NEB: variants seen among roughly 807,000 people sequenced by gnomAD.
The protein encoded by NEB is nemaline myopathy type 2.
In NEB, 512 loss-of-function variants were observed where a neutral mutation model predicts 952.2. The ratio of observed to expected loss-of-function variants is 0.54; its 90% confidence interval spans 0.50 to 0.58. The LOEUF (loss-of-function observed/expected upper bound fraction) is 0.58. Among genes scored for constraint, NEB ranks in the 20% least tolerant of loss-of-function variants. The pLI, the probability that NEB is intolerant of heterozygous loss-of-function variation, is 0.00. For synonymous variants in NEB, 2,900 were observed against 3,149.8 expected, an observed-to-expected ratio of 0.92 and a Z score of 2.66; for missense variants, 8,428 against 9,231.1, an observed-to-expected ratio of 0.91 and a Z score of 3.56.
chr2:151,554,108 A>C, intron 125 of NEB, 83 bp from the exon 126 acceptor site: 1 of 1,295,334 alleles, frequency 7.7e-7, no homozygotes, highest in East Asian at 2.3e-5. Flanking sequence ...AGGCTAACCA[A>C]CTCACAGCGA....
At chr2:151,640,202 T>C in intron 61 of NEB, 142 bp from the exon 62 acceptor site, 2 of 1,463,558 alleles carry the variant, frequency 1.4e-6, no homozygotes, top group South Asian at 1.3e-5. Context: ...CTCTTTGGTC[T>C]GAAGGGTTAA....
rs560191386 is a variant in NEB, at chr2:151,673,568, C to T, written c.3988-888G>A. Reference sequence around the variant, plus strand: ...GAGGAAGATGTTTTCAGTATCATTCCTACAAGGAAAGTAGCAGAGTTTTTA... The same window carrying T: ...GAGGAAGATGTTTTCAGTATCATTCTTACAAGGAAAGTAGCAGAGTTTTTA... On this transcript the variant is annotated intron_variant, in intron 36 of 181. Coordinates refer to ENST00000397345, the MANE Select transcript of NEB (RefSeq NM_001164508.2). 3.9e-5 allele frequency among the ~76,000 whole-genome samples: 6 copies of T among 152,092 alleles called. No homozygotes were observed. The South Asian group carries it at 6.2e-4, about 16-fold the overall frequency.
In NEB at chr2:151,490,006, C is replaced by A; in HGVS notation, c.25369G>T (p.Val8457Leu). Residue 8457 changes from valine to leucine, a missense_variant, in exon 181 of 182, where the codon GTA becomes TTA. Physicochemically the swap from Val to Leu is conservative, Grantham distance 32. Transcript: ENST00000397345. ...GATGGATGAGATGGGATGGAAGATA[C>A]CGTTGTCTGTTGGGTAGCAACTGAA... is the stretch of plus-strand genomic sequence containing the variant. ...SSSVATQQTT[V>L]SSIPSHPSTA... is the part of the protein sequence containing the mutation. 6.2e-7 allele frequency: 1 copy of A among 1,612,378 alleles called. No individual in the cohort carries two copies. The highest frequency in any genetic ancestry group is 8.5e-7 in the Non-Finnish European group (1 of 1,178,546).
chr2:151,570,700 C>T, intron 107 of NEB, 99 bp from the exon 108 acceptor site: 2 of 1,071,570 alleles, frequency 1.9e-6, no homozygotes, highest in Middle Eastern at 4.0e-4. Flanking sequence ...AGTTTTGAAG[C>T]CCAAGGACTT....
intron 2 of NEB, 53 bp from the exon 3 acceptor site, chr2:151,733,238 A>G: frequency 1.7e-6 from 2 of 1,202,522 alleles, no homozygotes; most frequent in East Asian, 2.5e-5. Flanking sequence ...CCCAGCACAG[A>G]AATTATCTTA....
rs539508810 is a variant in NEB at position 151,605,809 on chromosome 2, T to C, written c.12747+797A>G. ...AGCATAATTATTCTATTTTTATTTT[T>C]ATTTTTTTTGAAACGCAGTTTCAGT... is the stretch of plus-strand genomic sequence containing the variant. On this transcript the variant is annotated intron_variant, in intron 84 of 181. Coordinates refer to ENST00000397345, the MANE Select transcript of NEB (RefSeq NM_001164508.2). 3.1e-5 allele frequency among the ~76,000 whole-genome samples: 3 copies of C among 96,044 alleles called. 1 individual carries two copies. In the East Asian group the frequency reaches 1.0e-3, roughly 33 times the overall value. 63.0% of individuals were successfully genotyped at this position (96,044 alleles called of 152,430 possible). A position where few individuals can be genotyped will look rare whatever the true frequency, so the allele number is the denominator to read the frequency against.
intron 64 of NEB, among the ~76,000 whole-genome samples, chr2:151,634,471 G>A (rs1560748186): frequency 6.6e-6 from 1 of 151,900 alleles, no homozygotes; most frequent in Non-Finnish European, 1.5e-5. Context: ...GTGAAACCTC[G>A]TCTCTACTAA....
Position 151,677,973 on chromosome 2 carries a change from C to T in NEB, c.3470G>A (p.Ser1157Asn). 1 of 1,613,930 alleles carries T rather than the reference C, an allele frequency of 6.2e-7. No homozygotes were observed. The highest frequency in any genetic ancestry group is 8.5e-7 in the Non-Finnish European group (1 of 1,179,850). Residue 1157 changes from serine to asparagine, a missense_variant, in exon 33 of 182, where the codon AGC becomes AAC. Around this residue, in one of 11 missense-constraint regions of NEB, gnomAD observed 2,851 missense variants for 2,791.5 expected, o/e 1.02. Transcript: ENST00000397345. ...VAAKKAQDVV[S>N]NVNYKHSLHH... Reference sequence around the variant, plus strand: ...GAGAGAATGCTTATAGTTGACATTGCTGACCACATCCTGGGCTTTCTTAGC... The same window carrying T: ...GAGAGAATGCTTATAGTTGACATTGTTGACCACATCCTGGGCTTTCTTAGC...
chr2:151,630,627 C>A, intron 67 of NEB, 88 bp downstream of exon 67: 3 of 1,010,004 alleles, frequency 3.0e-6, no homozygotes, highest in South Asian at 2.9e-5. Flanking sequence ...GAGCCACATG[C>A]ACCATGACAG....
Position 151,567,360 on chromosome 2 carries a change from T to C in NEB, c.17964A>G (p.Leu5988=). Residue 5988 remains leucine (L), a synonymous_variant, in exon 114 of 182, where the codon CTA becomes CTG. Transcript: ENST00000397345. ...EHAGQIQNER[L]YKEDYHKTKA... ...TTGTTTTGTGATAGTCCTCTTTGTA[T>C]AGTCTCTCATTCTGAATCTGGCCTG... 2.5e-6 allele frequency: 4 copies of C among 1,613,896 alleles called. No homozygotes were observed. Among genetic ancestry groups the C allele is most frequent in the Non-Finnish European group, 3.4e-6 (4 of 1,179,834 alleles).
rs1188103700 is a variant in NEB at position 151,619,599 on chromosome 2, G to A, written c.10724C>T (p.Pro3575Leu). The A allele has an allele frequency of 6.2e-7, 1 of 1,613,834 alleles. No individual in the cohort carries two copies. The highest frequency in any genetic ancestry group is 1.7e-5 in the Admixed American group (1 of 59,986). ...FEKYKTRYSS[P>L]VDMLGIVLAK... The stretch of plus-strand genomic sequence containing the variant: ...CAAAACGATACCAAGCATGTCCACT[G>A]GGCTGCTGTACCTTGTCTTGTATTT... The change falls in exon 73 of 182, where the codon CCA becomes CTA. Residue 3575 changes from proline (P) to leucine (L), a missense_variant. Pro to Leu is a moderately conservative substitution (Grantham distance 98). Coordinates refer to ENST00000397345, the MANE Select transcript of NEB (RefSeq NM_001164508.2).
chr2:151,576,347 T>C lies in NEB; in HGVS notation c.16712A>G (p.Tyr5571Cys). 1 of 1,591,618 alleles carries C rather than the reference T, an allele frequency of 6.3e-7. No individual in the cohort carries two copies. The highest frequency in any genetic ancestry group is 8.6e-7 in the Non-Finnish European group (1 of 1,165,734). Residue 5571 changes from tyrosine to cysteine, a missense_variant, in exon 106 of 182, where the codon TAC (tyrosine) becomes TGC (cysteine). By Grantham distance (194) the Tyr-to-Cys change is radical (BLOSUM62 -2). This residue lies in a region of NEB where 3,374 missense variants were observed against 3,651.5 expected (regional missense o/e 0.92). Coordinates refer to ENST00000397345, the MANE Select transcript of NEB (RefSeq NM_001164508.2). ...ACGCAACCACTCCAAGTCAGCCTTGTAGAGGGCCTGAAAAAGAAAACACAG... is the reference window on the plus strand; with the variant it reads ...ACGCAACCACTCCAAGTCAGCCTTGCAGAGGGCCTGAAAAAGAAAACACAG... ...KAYDLQSDAL[Y>C]KADLEWLRGI...
intron 71 of NEB, 149 bp downstream of exon 71, chr2:151,625,385 A>G (rs1359418690): frequency 2.2e-6 from 1 of 447,514 alleles, no homozygotes; most frequent in African/African-American, 2.0e-5. Context: ...TTTTTAATAC[A>G]ATAATATGTA....
Position 151,627,826 on chromosome 2 carries a change from G to A in NEB, c.9840C>T (p.Tyr3280=), listed in dbSNP as rs766355387. 2.5e-6 allele frequency: 4 copies of A among 1,613,210 alleles called. No homozygotes were observed. The highest frequency in any genetic ancestry group is 1.1e-5 in the South Asian group (1 of 91,058). ...CGAGCTGCTTGCGGTAACCATCTTT[G>A]TATTTGTACTGAAATAAAGGTGGTC... ...ASRDVISDYK[Y]KDGYRKQLGH... Residue 3280 remains tyrosine, a synonymous_variant, in exon 69 of 182, where the codon TAC becomes TAT. Coordinates refer to ENST00000397345, the MANE Select transcript of NEB (RefSeq NM_001164508.2).
Position 151,688,318 on chromosome 2 carries a change from T to C in NEB, c.2389A>G (p.Arg797Gly). 6.2e-7 allele frequency: 1 copy of C among 1,613,602 alleles called. No homozygotes were observed. The highest frequency in any genetic ancestry group is 8.5e-7 in the Non-Finnish European group (1 of 1,179,510). ...PADAPQFIQH[R>G]VNAYNLSDNV... ...TCACTCAGATTATAGGCATTGACTC[T>C]GTGTTGGATAAACTGTGGAGCATCT... The change falls in exon 25 of 182, where the codon AGA (arginine) becomes GGA (glycine). Residue 797 changes from arginine (R) to glycine (G), a missense_variant. Physicochemically the swap from Arg to Gly is moderately radical, Grantham distance 125. Coordinates refer to ENST00000397345, the MANE Select transcript of NEB (RefSeq NM_001164508.2).
chr2:151,621,686 G>T lies in NEB; in HGVS notation c.10453-660C>A, dbSNP rs561644740. ...CATGCACAGAAGACAAAACACAAAT[G>T]TTCCATGGAAGTGTCATTTGAGAAC... On this transcript the variant is annotated intron_variant, in intron 71 of 181. Transcript: ENST00000397345. Among the ~76,000 whole-genome samples, 5 of 152,256 alleles carry T rather than the reference G, an allele frequency of 3.3e-5. No individual in the cohort carries two copies. The East Asian group carries it at 9.6e-4, about 29-fold the overall frequency.
chr2:151,615,519 T>C (rs2098163602), intron 76 of NEB, among the ~76,000 whole-genome samples: 1 of 152,216 alleles, frequency 6.6e-6, no homozygotes, highest in African/African-American at 2.4e-5. Context: ...AATTAGGAGT[T>C]ACAAAGGACA....
rs1390128185 is a variant in NEB at position 151,703,914 on chromosome 2, C to A, written c.1152+2967G>T. Among the ~76,000 whole-genome samples, 3 of 134,292 alleles carry A rather than the reference C, an allele frequency of 2.2e-5. No individual in the cohort carries two copies. In the East Asian group the frequency reaches 6.5e-4, roughly 29 times the overall value. The allele number at this position is 134,292 out of a possible 152,430, so 88.1% of individuals were successfully genotyped here. A position where few individuals can be genotyped will look rare whatever the true frequency, so the allele number is the denominator to read the frequency against. On this transcript the variant is annotated intron_variant, in intron 13 of 181. Transcript: ENST00000397345. ...TCCGTTGCTGGTGAGGAACTGCGTT[C>A]CTTTGGAGGAGGAGAGGCGCTCTGC...
At chr2:151,685,047 T>A in intron 27 of NEB, 72 bp from the exon 28 acceptor site, 1 of 1,402,570 alleles carries the variant, frequency 7.1e-7, no homozygotes, top group South Asian at 1.3e-5. Context: ...AGATCTTTCA[T>A]AAACAATAAA....
Sources: allele counts gnomAD v4.1 joint callset (sites outside exome capture counted in the v4.1 genomes callset), GRCh38; gene constraint gnomAD v4.1.1; regional missense constraint gnomAD v4.1.1; transcripts MANE v1.5; gene names NCBI Gene and HGNC (gene_info 2026-07-23, HGNC 2026-07-21).